Variants in TEAD1 observed in about 807,000 individuals in gnomAD.
The protein encoded by TEAD1 is TEA domain transcription factor 1, also known as transcriptional enhancer factor TEF-1.
A neutral mutation model predicts 54.9 loss-of-function variants in TEAD1; 9 were observed. That is an observed-to-expected ratio of 0.16 (90% CI 0.10 to 0.29). TEAD1 has a LOEUF of 0.29. TEAD1 is among the 10% of genes least tolerant of loss of function. The pLI is 1.00. For missense variants in TEAD1, 387 were observed against 535.9 expected, an observed-to-expected ratio of 0.72 and a Z score of 2.74; for synonymous variants, 200 against 187.8, an observed-to-expected ratio of 1.07 and a Z score of -0.53.
At chr11:12,733,758 C>T (rs1329785270) in intron 2 of TEAD1, among the ~76,000 whole-genome samples, 1 of 152,176 alleles carries the variant, frequency 6.6e-6, no homozygotes. Flanking sequence ...AGTCTAGTGC[C>T]ATATAATGAT....
chr11:12,676,820 A>C (rs1943102620), intron 2 of TEAD1, among the ~76,000 whole-genome samples: 1 of 152,212 alleles, frequency 6.6e-6, no homozygotes, highest in African/African-American at 2.4e-5. Flanking sequence ...GGTTTTAAAC[A>C]GTTAACAATT....
At chr11:12,703,643 A>G (rs1244494427) in intron 2 of TEAD1, among the ~76,000 whole-genome samples, 6 of 152,190 alleles carry the variant, frequency 3.9e-5, no homozygotes, top group Non-Finnish European at 8.8e-5. Context: ...TGCGGGATAC[A>G]GGCTGTGACT....
chr11:12,894,849 G>C (rs1564981045), intron 9 of TEAD1, among the ~76,000 whole-genome samples: 1 of 152,176 alleles, frequency 6.6e-6, no homozygotes, highest in Non-Finnish European at 1.5e-5. Context: ...CAAATTACGT[G>C]CTATGTACAG....
At chr11:12,813,815 G>T (rs529944113) in intron 3 of TEAD1, among the ~76,000 whole-genome samples, 6 of 152,206 alleles carry the variant, frequency 3.9e-5, no homozygotes, top group Non-Finnish European at 8.8e-5. Context: ...AGTTCATCTG[G>T]GATCTCCTGG....
At chr11:12,764,464 A>G (rs979733448) in intron 3 of TEAD1, 30 bp downstream of exon 3, 2 of 1,611,326 alleles carry the variant, frequency 1.2e-6, no homozygotes, top group African/African-American at 2.7e-5. Flanking sequence ...CCTTTGAAAT[A>G]CTACAACCTG....
chr11:12,774,299 G>A (rs762470341), intron 3 of TEAD1, among the ~76,000 whole-genome samples: 2 of 152,222 alleles, frequency 1.3e-5, no homozygotes, highest in Non-Finnish European at 2.9e-5. Flanking sequence ...AAGGCACTGT[G>A]AAGCTCATCC....
chr11:12,692,236 C>A (rs72856002), intron 2 of TEAD1, among the ~76,000 whole-genome samples: 10 of 152,142 alleles, frequency 6.6e-5, no homozygotes, highest in African/African-American at 1.9e-4. Flanking sequence ...ACCCCCCAGT[C>A]CCCCCAGCAA....
At chr11:12,888,059 C>A (rs1948126221) in intron 9 of TEAD1, among the ~76,000 whole-genome samples, 1 of 152,188 alleles carries the variant, frequency 6.6e-6, no homozygotes, top group Non-Finnish European at 1.5e-5. Context: ...AGCCAGGTTC[C>A]ATGCTATTTG....
intron 2 of TEAD1, among the ~76,000 whole-genome samples, chr11:12,678,996 T>C (rs1436423160): frequency 6.6e-6 from 1 of 152,204 alleles, no homozygotes. Context: ...CTCTTAGCTT[T>C]TAAATTCTCC....
At chr11:12,867,414 T>A (rs535825342) in intron 5 of TEAD1, among the ~76,000 whole-genome samples, 1 of 152,266 alleles carries the variant, frequency 6.6e-6, no homozygotes, top group African/African-American at 2.4e-5. Context: ...CATCAGTAAC[T>A]GGGGGAATGA....
chr11:12,932,123 T>C lies in TEAD1; in HGVS notation c.1167+1797T>C, dbSNP rs184121547. Among the ~76,000 whole-genome samples the C allele has an allele frequency of 7.2e-4, 109 of 152,348 alleles. 1 individual carries two copies. Among genetic ancestry groups the C allele is most frequent in the Admixed American group, 1.3e-3 (20 of 15,310 alleles). On this transcript the variant is annotated intron_variant, in intron 12 of 12. Transcript: ENST00000527636. ...GGGTTCTCAGATGTGCCCATGTCCT[T>C]CTAAAATTTAGAAGCCAGCATTCAG...
At chr11:12,682,532 G>A (rs1943244440) in intron 2 of TEAD1, among the ~76,000 whole-genome samples, 1 of 152,110 alleles carries the variant, frequency 6.6e-6, no homozygotes, top group South Asian at 2.1e-4. Context: ...GGAAATGAGG[G>A]GTAGGAAGGG....
At chr11:12,721,538 A>G (rs539108533) in intron 2 of TEAD1, among the ~76,000 whole-genome samples, 2 of 152,342 alleles carry the variant, frequency 1.3e-5, no homozygotes, top group African/African-American at 4.8e-5. Flanking sequence ...TAAATGCTGT[A>G]TATAGTTGGA....
intron 3 of TEAD1, among the ~76,000 whole-genome samples, chr11:12,813,460 G>A (rs967635835): frequency 1.3e-5 from 2 of 152,174 alleles, no homozygotes; most frequent in African/African-American, 4.8e-5. Flanking sequence ...CATCCCAAAT[G>A]TGGGCCTGGG....
chr11:12,727,082 A>T (rs2133873577), intron 2 of TEAD1, among the ~76,000 whole-genome samples: 1 of 152,076 alleles, frequency 6.6e-6, no homozygotes, highest in Admixed American at 6.5e-5. Context: ...TCTACTAAAA[A>T]TACAAAAATC....
chr11:12,689,914 A>G (rs1393654691), intron 2 of TEAD1, among the ~76,000 whole-genome samples: 3 of 152,000 alleles, frequency 2.0e-5, no homozygotes, highest in African/African-American at 4.8e-5. Flanking sequence ...ACAACCAACT[A>G]TTGATACCGT....
chr11:12,791,515 A>G (rs903739919), intron 3 of TEAD1, among the ~76,000 whole-genome samples: 4 of 152,158 alleles, frequency 2.6e-5, no homozygotes, highest in Non-Finnish European at 5.9e-5. Context: ...GGTCCTTCTT[A>G]TAGACGGTTT....
At chr11:12,889,711 C>A (rs1948158981) in intron 9 of TEAD1, among the ~76,000 whole-genome samples, 1 of 152,030 alleles carries the variant, frequency 6.6e-6, no homozygotes, top group Non-Finnish European at 1.5e-5. Flanking sequence ...ATATGAAACT[C>A]ATTTATTTTT....
chr11:12,713,846 C>T (rs540354089), intron 2 of TEAD1, among the ~76,000 whole-genome samples: 93 of 152,282 alleles, frequency 6.1e-4, no homozygotes, highest in African/African-American at 2.1e-3. Flanking sequence ...CAGCAGCTCC[C>T]GGCATCACAT....
Sources: allele counts gnomAD v4.1 joint callset (sites outside exome capture counted in the v4.1 genomes callset), GRCh38; gene constraint gnomAD v4.1.1; transcripts MANE v1.5; gene names NCBI Gene and HGNC (gene_info 2026-07-23, HGNC 2026-07-21).